Variants in SLC71A1 observed in about 807,000 individuals in gnomAD.
The protein encoded by SLC71A1 is hippocampus abundant gene transcript 1.
the SLC71A1 span, among the ~76,000 whole-genome samples, chr1:100,051,063 C>T: frequency 4.2e-5 from 6 of 141,818 alleles, no homozygotes; most frequent in Admixed American, 2.9e-4. Context: ...CCAGCCTGGG[C>T]GACGGGAGTG....
At chr1:100,060,513 C>A in the SLC71A1 span, among the ~76,000 whole-genome samples, 1 of 152,256 alleles carries the variant, frequency 6.6e-6, no homozygotes, top group Non-Finnish European at 1.5e-5. Context: ...TCTTGCTGTT[C>A]TTCCATCCTC....
At chr1:100,049,796 A>G in the SLC71A1 span, 11 of 610,868 alleles carry the variant, frequency 1.8e-5, no homozygotes, top group Non-Finnish European at 2.9e-5. Context: ...CACAGTGCCC[A>G]GTACATATAT....
At chr1:100,052,079 G>C in the SLC71A1 span, among the ~76,000 whole-genome samples, 1 of 152,164 alleles carries the variant, frequency 6.6e-6, no homozygotes, top group Non-Finnish European at 1.5e-5. Context: ...AATGCAGGTA[G>C]TAACTTGTTT....
chr1:100,038,349 C>G, the SLC71A1 span: 1 of 1,540,526 alleles, frequency 6.5e-7, no homozygotes, highest in Non-Finnish European at 8.8e-7. Flanking sequence ...GAGCGTCCCT[C>G]GGGGCCCCCA....
the SLC71A1 span, among the ~76,000 whole-genome samples, chr1:100,076,570 C>T: frequency 6.6e-6 from 1 of 152,084 alleles, no homozygotes; most frequent in Non-Finnish European, 1.5e-5. Flanking sequence ...TGCAAAGAGA[C>T]AAAAGTGAGG....
chr1:100,066,967 C>T, the SLC71A1 span, among the ~76,000 whole-genome samples: 1 of 119,378 alleles, frequency 8.4e-6, no homozygotes, highest in Non-Finnish European at 1.6e-5. Flanking sequence ...CCAGCCTGGG[C>T]GACAGAGCGA....
the SLC71A1 span, among the ~76,000 whole-genome samples, chr1:100,047,376 C>T: frequency 6.6e-6 from 1 of 152,164 alleles, no homozygotes; most frequent in Non-Finnish European, 1.5e-5. Context: ...GTTGGACTAT[C>T]CTTTCATACC....
chr1:100,040,603 G>A, the SLC71A1 span, among the ~76,000 whole-genome samples: 3 of 152,200 alleles, frequency 2.0e-5, no homozygotes, highest in African/African-American at 7.2e-5. Context: ...TGGGACTACA[G>A]GCACGTGCCA....
the SLC71A1 span, among the ~76,000 whole-genome samples, chr1:100,039,176 C>T: frequency 6.6e-6 from 1 of 152,328 alleles, no homozygotes; most frequent in Middle Eastern, 3.4e-3. Flanking sequence ...GCTAACATTT[C>T]TCCGTTGCTA....
the SLC71A1 span, among the ~76,000 whole-genome samples, chr1:100,071,137 T>C: frequency 2.0e-5 from 3 of 151,666 alleles, no homozygotes; most frequent in East Asian, 5.8e-4. Flanking sequence ...TACTGTAGCC[T>C]TTATATAAAA....
the SLC71A1 span, chr1:100,081,953 AT>A: frequency 7.1e-7 from 1 of 1,409,034 alleles, no homozygotes; most frequent in Non-Finnish European, 1.0e-6. Flanking sequence ...GTTTCTCCTT[AT>A]GAGTAAAAGT....
the SLC71A1 span, chr1:100,068,700 G>A: frequency 1.4e-6 from 1 of 702,186 alleles, no homozygotes; most frequent in East Asian, 2.7e-5. Context: ...GAATATCATT[G>A]GACTTGGTAT....
the SLC71A1 span, among the ~76,000 whole-genome samples, chr1:100,041,032 TA>T: frequency 6.6e-6 from 1 of 152,194 alleles, no homozygotes; most frequent in Admixed American, 6.5e-5. Context: ...ACAATGTTAA[TA>T]AAATTCTTTC....
At chr1:100,045,790 G>C in the SLC71A1 span, among the ~76,000 whole-genome samples, 3 of 151,106 alleles carry the variant, frequency 2.0e-5, no homozygotes, top group Non-Finnish European at 1.5e-5. Flanking sequence ...ACTCCAGCCT[G>C]GGTGACGGGG....
At chr1:100,038,215 G>C in the SLC71A1 span, 2 of 1,551,032 alleles carry the variant, frequency 1.3e-6, no homozygotes, top group African/African-American at 2.7e-5. Flanking sequence ...AGCAGCGCCA[G>C]GAATCGAGGA....
At chr1:100,049,495 A>G in the SLC71A1 span, among the ~76,000 whole-genome samples, 4 of 151,956 alleles carry the variant, frequency 2.6e-5, no homozygotes, top group South Asian at 8.3e-4. Context: ...AATACACCCA[A>G]CGTGCAGCCC....
At chr1:100,046,518 G>A in the SLC71A1 span, among the ~76,000 whole-genome samples, 2 of 152,126 alleles carry the variant, frequency 1.3e-5, no homozygotes, top group African/African-American at 4.8e-5. Context: ...GAGTCACTGT[G>A]CCCAGCCTCC....
the SLC71A1 span, among the ~76,000 whole-genome samples, chr1:100,072,106 A>G: frequency 1.3e-5 from 2 of 152,216 alleles, no homozygotes; most frequent in African/African-American, 2.4e-5. Context: ...ATGAGCTACT[A>G]CATTATTACA....
At chr1:100,072,471 C>T in the SLC71A1 span, among the ~76,000 whole-genome samples, 1 of 151,788 alleles carries the variant, frequency 6.6e-6, no homozygotes, top group Non-Finnish European at 1.5e-5. Flanking sequence ...TAGCGGACCT[C>T]TGAGTAGATG....
Sources: allele counts gnomAD v4.1 joint callset (sites outside exome capture counted in the v4.1 genomes callset), GRCh38; gene constraint gnomAD v4.1.1; transcripts MANE v1.5; gene names NCBI Gene and HGNC (gene_info 2026-07-23, HGNC 2026-07-21).